Variants in FMNL2 observed in about 807,000 individuals in gnomAD.
The protein encoded by FMNL2 is formin-like protein 2.
Under a neutral mutation model 130.2 loss-of-function variants are expected in FMNL2, and 51 were observed. The ratio of observed to expected loss-of-function variants is 0.39; its 90% confidence interval spans 0.31 to 0.49. FMNL2 has a LOEUF of 0.49. Ranked by LOEUF, FMNL2 falls within the 20% of genes least tolerant of loss-of-function variation. The probability of loss-of-function intolerance (pLI) is 0.85; values close to 1 mark genes in which losing one functional copy is unlikely to be tolerated. For synonymous variants in FMNL2, 465 were observed against 467.1 expected (o/e 1.00, Z 0.06); for missense variants, 977 against 1,316.2 (o/e 0.74, Z 3.99).
intron 8 of FMNL2, among the ~76,000 whole-genome samples, chr2:152,580,399 A>G (rs2105721449): frequency 6.6e-6 from 1 of 152,364 alleles, no homozygotes; most frequent in Non-Finnish European, 1.5e-5. Context: ...GTAAAGCTGT[A>G]ATCCAGCTCC....
chr2:152,447,746 A>G (rs1422743892), intron 1 of FMNL2, among the ~76,000 whole-genome samples: 1 of 152,004 alleles, frequency 6.6e-6, no homozygotes, highest in African/African-American at 2.4e-5. Flanking sequence ...TTCCCTCAAG[A>G]AGTGTCCTTT....
chr2:152,497,343 AGTACTGTTTT>A (rs1212516922), intron 1 of FMNL2, among the ~76,000 whole-genome samples: 1 of 152,006 alleles, frequency 6.6e-6, no homozygotes, highest in African/African-American at 2.4e-5. Context: ...GTTAGAATAG[AGTACTGTTTT>A]CTAAAGTTAT....
intron 1 of FMNL2, among the ~76,000 whole-genome samples, chr2:152,347,792 T>G (rs538514084): frequency 1.3e-5 from 2 of 152,210 alleles, no homozygotes; most frequent in South Asian, 2.1e-4. Context: ...GAGGGGCTCA[T>G]GGCCACGTTT....
At chr2:152,384,716 G>C (rs1684687439) in intron 1 of FMNL2, among the ~76,000 whole-genome samples, 1 of 152,174 alleles carries the variant, frequency 6.6e-6, no homozygotes, top group Non-Finnish European at 1.5e-5. Context: ...TAGGAAGCTT[G>C]TATCTGAATT....
intron 1 of FMNL2, among the ~76,000 whole-genome samples, chr2:152,369,458 G>A (rs754800803): frequency 2.0e-5 from 3 of 152,238 alleles, no homozygotes; most frequent in Non-Finnish European, 4.4e-5. Flanking sequence ...TCATTAAACA[G>A]TAATGTACTT....
chr2:152,345,375 G>T (rs1032378753), intron 1 of FMNL2, among the ~76,000 whole-genome samples: 1 of 152,024 alleles, frequency 6.6e-6, no homozygotes, highest in East Asian at 1.9e-4. Flanking sequence ...TTTTTTATTG[G>T]CATAGAAGGA....
At chr2:152,629,519 A>T in intron 18 of FMNL2, 137 bp from the exon 19 acceptor site, 2 of 727,960 alleles carry the variant, frequency 2.7e-6, no homozygotes, top group Non-Finnish European at 4.5e-6. Context: ...ATACTTAGAA[A>T]AAGTAGACTC....
chr2:152,365,270 G>A (rs1223054087), intron 1 of FMNL2, among the ~76,000 whole-genome samples: 6 of 152,182 alleles, frequency 3.9e-5, no homozygotes, highest in Admixed American at 6.5e-5. Context: ...TTGAGGAGAG[G>A]TGGGGAGCAG....
chr2:152,625,612 C>G, intron 16 of FMNL2, 50 bp downstream of exon 16: 3 of 1,555,614 alleles, frequency 1.9e-6, no homozygotes, highest in Non-Finnish European at 2.6e-6. Context: ...TGCAGCAAAG[C>G]CGGCATGGGT....
intron 1 of FMNL2, among the ~76,000 whole-genome samples, chr2:152,374,265 G>A (rs1180459654): frequency 6.6e-6 from 1 of 152,166 alleles, no homozygotes; most frequent in Non-Finnish European, 1.5e-5. Context: ...TCTGGGGTGG[G>A]AGTGTTATTT....
chr2:152,433,790 T>G (rs965918268), intron 1 of FMNL2, among the ~76,000 whole-genome samples: 1 of 152,202 alleles, frequency 6.6e-6, no homozygotes, highest in Non-Finnish European at 1.5e-5. Context: ...TTCTTATTAC[T>G]GATTTCTTCT....
At chr2:152,352,713 CTTT>C (rs70974853) in intron 1 of FMNL2, among the ~76,000 whole-genome samples, 18 of 145,960 alleles carry the variant, frequency 1.2e-4, no homozygotes, top group African/African-American at 4.5e-4. Flanking sequence ...GTGATCAAAT[CTTT>C]TTTTTTTTTT....
At chr2:152,504,535 G>A (rs190749326) in intron 1 of FMNL2, among the ~76,000 whole-genome samples, 6 of 151,714 alleles carry the variant, frequency 4.0e-5, no homozygotes, top group East Asian at 2.0e-4. Flanking sequence ...ATGAGCCACC[G>A]CGCTCAGCCG....
intron 11 of FMNL2, among the ~76,000 whole-genome samples, chr2:152,612,713 TC>T: frequency 6.6e-6 from 1 of 152,282 alleles, no homozygotes; most frequent in South Asian, 2.1e-4. Context: ...CTTCCTGGGT[TC>T]AAGCGATTCT....
intron 1 of FMNL2, among the ~76,000 whole-genome samples, chr2:152,363,598 G>C (rs1683317184): frequency 6.6e-6 from 1 of 151,434 alleles, no homozygotes; most frequent in Admixed American, 6.6e-5. Context: ...GTCTCGCTCT[G>C]TCGCCCAGGC....
intron 2 of FMNL2, among the ~76,000 whole-genome samples, chr2:152,540,132 A>G (rs2105482989): frequency 6.6e-6 from 1 of 152,268 alleles, no homozygotes; most frequent in Non-Finnish European, 1.5e-5. Context: ...ATTTAAAAGG[A>G]TAATATTTAT....
At chr2:152,632,597 T>C (rs1682251828) in intron 21 of FMNL2, among the ~76,000 whole-genome samples, 1 of 152,216 alleles carries the variant, frequency 6.6e-6, no homozygotes, top group Non-Finnish European at 1.5e-5. Flanking sequence ...GTTATACATT[T>C]TGTCATTTAA....
intron 1 of FMNL2, among the ~76,000 whole-genome samples, chr2:152,362,127 A>C (rs1683215056): frequency 6.6e-6 from 1 of 152,136 alleles, no homozygotes; most frequent in Non-Finnish European, 1.5e-5. Flanking sequence ...ACATACTTTC[A>C]TATCTTTAAT....
intron 1 of FMNL2, among the ~76,000 whole-genome samples, chr2:152,400,093 T>A (rs1401283121): frequency 6.6e-6 from 1 of 152,142 alleles, no homozygotes; most frequent in Non-Finnish European, 1.5e-5. Context: ...AAATTAGACA[T>A]CTTGGATAGA....
Sources: allele counts gnomAD v4.1 joint callset (sites outside exome capture counted in the v4.1 genomes callset), GRCh38; gene constraint gnomAD v4.1.1; transcripts MANE v1.5; gene names NCBI Gene and HGNC (gene_info 2026-07-23, HGNC 2026-07-21).